EYS: variants seen among roughly 807,000 people sequenced by gnomAD.
EYS encodes the protein protein eyes shut homolog.
In EYS, 250 loss-of-function variants were observed where a neutral mutation model predicts 282.1. The observed-to-expected ratio is 0.89, with a 90% CI of 0.80 to 0.98. EYS has a LOEUF of 0.98. EYS is among the 50% of genes least tolerant of loss of function. The pLI, the probability that EYS is intolerant of heterozygous loss-of-function variation, is 0.00. For synonymous variants in EYS, 1,355 were observed against 1,282.9 expected (o/e 1.06, Z -1.20); for missense variants, 4,016 against 3,709.0 (o/e 1.08, Z -2.15).
At position 65,295,846 on chromosome 6, in the gene EYS, G is replaced by A. The variant is rs1768646104; in HGVS notation, c.2023+17C>T. 1 of 1,436,374 alleles carries A rather than the reference G, an allele frequency of 7.0e-7. No individual in the cohort carries two copies. Among genetic ancestry groups the A allele is most frequent in the East Asian group, 2.8e-5 (1 of 35,670 alleles). 89.0% of individuals were successfully genotyped at this position (1,436,374 alleles called of 1,614,324 possible). A position where few individuals can be genotyped will look rare whatever the true frequency, so the allele number is the denominator to read the frequency against. On this transcript the variant is annotated intron_variant, in intron 12 of 42. Transcript: ENST00000503581. The stretch of plus-strand genomic sequence containing the variant: ...ATTTACTAGAAAATTTAATTTATCA[G>A]GAAAAAAAAAACTTGCCTTTAAATC...
intron 14 of EYS, among the ~76,000 whole-genome samples, chr6:64,997,143 G>A (rs1356754415): frequency 6.6e-6 from 1 of 152,104 alleles, no homozygotes; most frequent in Non-Finnish European, 1.5e-5. Context: ...CAACAGATGA[G>A]TGAAGGAAAC....
At chr6:65,608,686 A>T (rs376993751) in intron 2 of EYS, among the ~76,000 whole-genome samples, 42 of 152,194 alleles carry the variant, frequency 2.8e-4, no homozygotes, top group African/African-American at 9.4e-4. Context: ...TTCTTGCTTT[A>T]TATCCCTATT....
At chr6:63,738,209 C>G (rs1768974678) in intron 41 of EYS, among the ~76,000 whole-genome samples, 1 of 152,108 alleles carries the variant, frequency 6.6e-6, no homozygotes, top group African/African-American at 2.4e-5. Context: ...ACTAGAAATA[C>G]CATTTGACCC....
At position 64,655,598 on chromosome 6, in the gene EYS, C is replaced by T. The variant is rs767763058; in HGVS notation, c.3444-29353G>A. Among the ~76,000 whole-genome samples the T allele has an allele frequency of 1.1e-3, 161 of 152,046 alleles. 1 individual carries two copies. Among genetic ancestry groups the T allele is most frequent in the Middle Eastern group, 3.4e-3 (1 of 292 alleles). ...TATATATGTGTCTTATAACCTCATG[C>T]TGTATACCTTAAAATGGTCATCAAT... is the stretch of plus-strand genomic sequence containing the variant. On this transcript the variant is annotated intron_variant, in intron 22 of 42. Coordinates refer to ENST00000503581, the MANE Select transcript of EYS (RefSeq NM_001142800.2).
chr6:64,108,294 G>A (rs1046712716), intron 31 of EYS, among the ~76,000 whole-genome samples: 3 of 152,038 alleles, frequency 2.0e-5, no homozygotes, highest in Non-Finnish European at 2.9e-5. Context: ...TGGTTCTCAC[G>A]GAGATTTCTG....
intron 10 of EYS, among the ~76,000 whole-genome samples, chr6:65,338,112 T>C (rs79457162): frequency 0.01 from 1,531 of 151,396 alleles, 31 homozygotes; most frequent in African/African-American, 0.035. Context: ...GAAATACTTT[T>C]ATTAAATGGA....
intron 12 of EYS, among the ~76,000 whole-genome samples, chr6:65,149,019 C>T (rs1247335450): frequency 6.6e-6 from 1 of 152,200 alleles, no homozygotes; most frequent in East Asian, 2.0e-4. Flanking sequence ...AACATTTTTC[C>T]CACTTAGGCC....
At chr6:65,453,819 G>A (rs1764500769) in intron 5 of EYS, among the ~76,000 whole-genome samples, 1 of 151,866 alleles carries the variant, frequency 6.6e-6, no homozygotes, top group South Asian at 2.1e-4. Context: ...TTAACATGAT[G>A]TCCTGCAGGT....
rs568814115 is a variant in EYS, at chr6:65,673,373, T to C, written c.-447-33481A>G. Among the ~76,000 whole-genome samples the C allele has an allele frequency of 1.1e-4, 16 of 152,178 alleles. 1 individual carries two copies. In the East Asian group the frequency reaches 2.1e-3, roughly 20 times the overall value. ...GTGGGGTTGTTAAAAGAAGCATTTG[T>C]CATATACAATGATTGGTGATGGCCT... On this transcript the variant is annotated intron_variant, in intron 1 of 42. Coordinates refer to ENST00000503581, the MANE Select transcript of EYS (RefSeq NM_001142800.2).
rs534384372 is a variant in EYS at position 65,281,048 on chromosome 6, A to AAG, written c.2023+14814_2023+14815insCT. Reference sequence around the variant, plus strand: ...GAGATGCCATCTCAAAAAAAAAAAAAAAAGAAAAGAAAAGAAATAATAACA... The same window carrying AAG: ...GAGATGCCATCTCAAAAAAAAAAAAAAGAAAGAAAAGAAAAGAAATAATAACA... On this transcript the variant is annotated intron_variant, in intron 12 of 42. Transcript: ENST00000503581. Among the ~76,000 whole-genome samples the AAG allele has an allele frequency of 5.4e-5, 8 of 148,054 alleles. No homozygotes were observed. The East Asian group carries it at 5.9e-4, about 11-fold the overall frequency.
intron 5 of EYS, among the ~76,000 whole-genome samples, chr6:65,454,428 C>T (rs1764526551): frequency 6.6e-6 from 1 of 151,632 alleles, no homozygotes; most frequent in Non-Finnish European, 1.5e-5. Flanking sequence ...GTATAATTTG[C>T]ACATATTTTC....
At chr6:63,749,285 G>A (rs538938433) in intron 41 of EYS, among the ~76,000 whole-genome samples, 11 of 152,238 alleles carry the variant, frequency 7.2e-5, no homozygotes, top group Non-Finnish European at 1.6e-4. Flanking sequence ...CCATGTAATT[G>A]TATGATTTTG....
chr6:64,842,123 C>T (rs989534260), intron 19 of EYS, among the ~76,000 whole-genome samples: 5 of 151,926 alleles, frequency 3.3e-5, no homozygotes, highest in African/African-American at 4.8e-5. Context: ...ACATACAGGG[C>T]ATTAATGCTA....
intron 39 of EYS, chr6:63,779,472 C>CA (rs1473257549): frequency 6.8e-6 from 1 of 147,692 alleles, no homozygotes; most frequent in Non-Finnish European, 1.5e-5. Context: ...AAAAACCAAA[C>CA]AAACAAAAAT....
At chr6:64,797,168 C>G (rs1453109089) in intron 22 of EYS, among the ~76,000 whole-genome samples, 2 of 152,012 alleles carry the variant, frequency 1.3e-5, no homozygotes, top group Non-Finnish European at 2.9e-5. Context: ...CAGAGTTTGG[C>G]AGCAAACAAT....
intron 26 of EYS, among the ~76,000 whole-genome samples, chr6:64,451,608 C>T (rs571640855): frequency 6.6e-6 from 1 of 152,218 alleles, no homozygotes; most frequent in East Asian, 1.9e-4. Context: ...CAAAAATCCT[C>T]AATAAAATAC....
intron 31 of EYS, among the ~76,000 whole-genome samples, chr6:64,191,039 G>C (rs1183072403): frequency 6.6e-6 from 1 of 152,016 alleles, no homozygotes; most frequent in Non-Finnish European, 1.5e-5. Flanking sequence ...GTTTTGTGTA[G>C]TTTTCCATAG....
chr6:65,388,972 T>C (rs1765900972), intron 7 of EYS, among the ~76,000 whole-genome samples: 2 of 152,044 alleles, frequency 1.3e-5, no homozygotes, highest in Admixed American at 6.6e-5. Flanking sequence ...CCATCTTAAA[T>C]ATACATCCAC....
intron 12 of EYS, among the ~76,000 whole-genome samples, chr6:65,261,276 T>C (rs1405975256): frequency 1.3e-5 from 2 of 151,932 alleles, no homozygotes; most frequent in Admixed American, 6.6e-5. Context: ...TATACATATA[T>C]ATTTACATTC....
Sources: gnomAD v4.1 joint callset for allele counts (sites outside exome capture counted in the v4.1 genomes callset) on GRCh38, gnomAD v4.1.1 for gene constraint, MANE v1.5 for transcripts, NCBI Gene and HGNC (gene_info 2026-07-23, HGNC 2026-07-21) for gene names.